The following CBLN2 variants were observed in gnomAD, a reference collection of about 807,000 sequenced individuals.
The protein encoded by CBLN2 is cerebellin 2 precursor, also known as cerebellin-2.
CBLN2 carries 7 observed loss-of-function variants against 15.0 expected under a neutral mutation model. The observed-to-expected ratio is 0.47, with a 90% CI of 0.27 to 0.88. The LOEUF (loss-of-function observed/expected upper bound fraction) is 0.88, where lower values mean the gene tolerates loss of function less well. Among genes scored for constraint, CBLN2 ranks in the 40% least tolerant of loss-of-function variants. The pLI, the probability that CBLN2 is intolerant of heterozygous loss-of-function variation, is 0.14. For missense variants in CBLN2, 242 were observed against 304.5 expected (o/e 0.79, Z 1.53); for synonymous variants, 149 against 135.2 (o/e 1.10, Z -0.71).
intron 1 of CBLN2, among the ~76,000 whole-genome samples, chr18:72,621,040 C>A (rs1158689570): frequency 1.3e-5 from 2 of 152,156 alleles, no homozygotes; most frequent in Admixed American, 1.3e-4. Flanking sequence ...ATATAAATAT[C>A]TCAGAAACTG....
chr18:72,565,743 C>A (rs562325569), intron 1 of CBLN2, among the ~76,000 whole-genome samples: 1 of 152,202 alleles, frequency 6.6e-6, no homozygotes, highest in East Asian at 1.9e-4. Context: ...GTTGCATGAC[C>A]TTGGTCTGAG....
At chr18:72,569,834 C>G (rs1036961764) in intron 1 of CBLN2, among the ~76,000 whole-genome samples, 10 of 152,192 alleles carry the variant, frequency 6.6e-5, no homozygotes, top group Non-Finnish European at 1.3e-4. Flanking sequence ...CCACCTCCAA[C>G]ACATCCAACA....
intron 3 of CBLN2, chr18:72,540,195 T>A (rs2069098741): frequency 6.6e-6 from 1 of 152,228 alleles, no homozygotes; most frequent in Admixed American, 6.5e-5. Flanking sequence ...ATTCTCCATT[T>A]AAGCCTCTGG....
chr18:72,561,163 C>T (rs913147681), intron 1 of CBLN2, among the ~76,000 whole-genome samples: 4 of 145,076 alleles, frequency 2.8e-5, no homozygotes, highest in African/African-American at 7.6e-5. Flanking sequence ...AACACACACA[C>T]ATTAGCATTT....
intron 1 of CBLN2, among the ~76,000 whole-genome samples, chr18:72,572,910 GA>G (rs2069341513): frequency 6.6e-6 from 1 of 151,938 alleles, no homozygotes; most frequent in Non-Finnish European, 1.5e-5. Flanking sequence ...TAAAGAATAA[GA>G]AAGAGCAATT....
intron 1 of CBLN2, among the ~76,000 whole-genome samples, chr18:72,577,641 C>G (rs1009268485): frequency 6.6e-6 from 1 of 152,194 alleles, no homozygotes; most frequent in Non-Finnish European, 1.5e-5. Context: ...TGGGCAAGAG[C>G]CAGTGCGTGC....
At position 72,564,578 on chromosome 18, in the gene CBLN2, T is replaced by G. The variant is rs12608305; in HGVS notation, c.16-25806A>C. On this transcript the variant is annotated intron_variant, in intron 1 of 2. Coordinates refer to the CBLN2 transcript ENST00000581073. The stretch of plus-strand genomic sequence containing the variant: ...TTTCTCAAAACAACTGATTTAATGA[T>G]TTATTAATATTTGCATATTAGTCAG... Among the ~76,000 whole-genome samples the G allele has an allele frequency of 0.046, 7,034 of 152,224 alleles. 804 individuals carry two copies. The East Asian group carries it at 0.51, about 11-fold the overall frequency.
chr18:72,547,359 G>A (rs190982049), upstream of CBLN2, among the ~76,000 whole-genome samples: 10 of 152,238 alleles, frequency 6.6e-5, no homozygotes, highest in Admixed American at 2.6e-4. Flanking sequence ...GGGCAGGAGG[G>A]TAGGAGGATG....
chr18:72,552,938 G>A (rs1470000021), intron 1 of CBLN2, among the ~76,000 whole-genome samples: 3 of 152,128 alleles, frequency 2.0e-5, no homozygotes, highest in African/African-American at 7.2e-5. Context: ...GCAAGAGATT[G>A]TTATTACTAT....
At chr18:72,566,289 C>T (rs1167794029) in intron 1 of CBLN2, among the ~76,000 whole-genome samples, 2 of 152,110 alleles carry the variant, frequency 1.3e-5, no homozygotes, top group South Asian at 2.1e-4. Context: ...ATAGAACTAC[C>T]ATGTGATCTA....
At chr18:72,538,798 C>A (rs767751690) in intron 3 of CBLN2, 26 bp from the exon 4 acceptor site, 1 of 1,610,678 alleles carries the variant, frequency 6.2e-7, no homozygotes, top group Non-Finnish European at 8.5e-7. Flanking sequence ...GAACACAGCA[C>A]ACAATGGCAA....
At chr18:72,562,940 C>G (rs1254716835) in intron 1 of CBLN2, among the ~76,000 whole-genome samples, 4 of 152,152 alleles carry the variant, frequency 2.6e-5, no homozygotes, top group Admixed American at 2.6e-4. Flanking sequence ...GGATATTGAA[C>G]CTAGAATTCC....
At chr18:72,571,485 G>T (rs1449110420) in intron 1 of CBLN2, among the ~76,000 whole-genome samples, 1 of 152,176 alleles carries the variant, frequency 6.6e-6, no homozygotes, top group Non-Finnish European at 1.5e-5. Flanking sequence ...GGCGAAAGAC[G>T]TGGGGAAATT....
chr18:72,569,390 A>T (rs1268891122), intron 1 of CBLN2, among the ~76,000 whole-genome samples: 2 of 152,220 alleles, frequency 1.3e-5, no homozygotes, highest in African/African-American at 4.8e-5. Flanking sequence ...ATCTGGTTTA[A>T]TAAAAGACAG....
At chr18:72,590,370 C>G (rs776011457) in intron 1 of CBLN2, among the ~76,000 whole-genome samples, 7 of 151,978 alleles carry the variant, frequency 4.6e-5, no homozygotes, top group Admixed American at 6.6e-5. Flanking sequence ...TCATGTGAAC[C>G]GGGAGGTGGA....
intron 3 of CBLN2, 99 bp downstream of exon 3, chr18:72,541,704 TG>T: frequency 1.1e-6 from 1 of 888,886 alleles, no homozygotes; most frequent in Non-Finnish European, 1.6e-6. Context: ...GGACAGAGCC[TG>T]GGAACTCCAC....
intron 1 of CBLN2, among the ~76,000 whole-genome samples, chr18:72,623,428 G>A (rs2069714188): frequency 1.3e-5 from 2 of 151,974 alleles, no homozygotes; most frequent in African/African-American, 4.8e-5. Flanking sequence ...TTAATATCAG[G>A]TCACTATCCT....
intron 1 of CBLN2, among the ~76,000 whole-genome samples, chr18:72,569,811 C>A (rs561059527): frequency 3.3e-5 from 5 of 152,286 alleles, no homozygotes; most frequent in African/African-American, 1.2e-4. Context: ...GATCTACATA[C>A]CTCCCACCAG....
At chr18:72,610,615 A>T (rs1412167676) in intron 1 of CBLN2, among the ~76,000 whole-genome samples, 1 of 152,190 alleles carries the variant, frequency 6.6e-6, no homozygotes, top group East Asian at 1.9e-4. Context: ...TAAATGCTTC[A>T]GAATGTTACT....
Sources: allele counts gnomAD v4.1 joint callset (sites outside exome capture counted in the v4.1 genomes callset), GRCh38; gene constraint gnomAD v4.1.1; transcripts MANE v1.5; gene names NCBI Gene and HGNC (gene_info 2026-07-23, HGNC 2026-07-21).